SLC2A13: variants seen among roughly 807,000 people sequenced by gnomAD.
The protein encoded by SLC2A13 is proton myo-inositol cotransporter.
In SLC2A13, 32 loss-of-function variants were observed where a neutral mutation model predicts 64.4. The ratio of observed to expected loss-of-function variants is 0.50; its 90% confidence interval spans 0.37 to 0.67. The LOEUF is 0.67. SLC2A13 is among the 30% of genes least tolerant of loss of function. SLC2A13 has a pLI of 0.00. For missense variants in SLC2A13, 743 were observed against 829.2 expected, an observed-to-expected ratio of 0.90 and a Z score of 1.28; for synonymous variants, 338 against 327.1, an observed-to-expected ratio of 1.03 and a Z score of -0.36.
chr12:39,864,767 T>C lies in SLC2A13; in HGVS notation c.1314A>G (p.Arg438=). ...APSGQNATCT[R]YSYCNECMLD... is the part of the protein sequence containing the mutation. ...AGAACATAATGGAATCTCACCTGTA[T>C]CTTGTGCAAGTGGCGTTCTGACCTG... Residue 438 remains arginine, a synonymous_variant, in exon 6 of 10, where the codon AGA becomes AGG. Coordinates refer to ENST00000280871, the MANE Select transcript of SLC2A13 (RefSeq NM_052885.4). The C allele has an allele frequency of 6.2e-7, 1 of 1,613,936 alleles. No individual in the cohort carries two copies. Among genetic ancestry groups the C allele is most frequent in the Non-Finnish European group, 8.5e-7 (1 of 1,179,906 alleles).
intron 6 of SLC2A13, among the ~76,000 whole-genome samples, chr12:39,834,584 C>T (rs184310652): frequency 1.1e-4 from 17 of 152,088 alleles, no homozygotes; most frequent in Admixed American, 1.1e-3. Flanking sequence ...TCCATACTGC[C>T]CCTCCATACC....
intron 3 of SLC2A13, among the ~76,000 whole-genome samples, chr12:40,023,171 T>C (rs959122119): frequency 2.0e-5 from 3 of 152,256 alleles, no homozygotes; most frequent in East Asian, 1.9e-4. Flanking sequence ...TATGTTTCTC[T>C]AGAGAAAGCT....
chr12:39,960,744 C>CT (rs71434303), intron 3 of SLC2A13, among the ~76,000 whole-genome samples: 8,933 of 108,712 alleles, frequency 0.082, 598 homozygotes, highest in Admixed American at 0.15. Flanking sequence ...CTGTCTCATT[C>CT]TTTTTTTTTT....
At chr12:40,048,788 A>AT (rs969676898) in intron 1 of SLC2A13, among the ~76,000 whole-genome samples, 15 of 152,112 alleles carry the variant, frequency 9.9e-5, no homozygotes, top group Non-Finnish European at 2.2e-4. Flanking sequence ...TTAGCTTTAA[A>AT]TTTTTTTCTA....
intron 3 of SLC2A13, among the ~76,000 whole-genome samples, chr12:39,973,915 G>A (rs1347122657): frequency 6.6e-6 from 1 of 152,102 alleles, no homozygotes; most frequent in African/African-American, 2.4e-5. Context: ...CTTCAAAAAC[G>A]ACAACTGCTT....
intron 7 of SLC2A13, among the ~76,000 whole-genome samples, chr12:39,814,067 G>T (rs1276494769): frequency 6.6e-6 from 1 of 152,128 alleles, no homozygotes. Context: ...GAGGAAAACT[G>T]CTCTGAATAT....
At chr12:39,998,923 T>G (rs561195525) in intron 3 of SLC2A13, among the ~76,000 whole-genome samples, 1 of 152,170 alleles carries the variant, frequency 6.6e-6, no homozygotes, top group African/African-American at 2.4e-5. Context: ...CTGAATCATG[T>G]GGGCAGGTCT....
intron 1 of SLC2A13, among the ~76,000 whole-genome samples, chr12:40,069,213 T>C (rs117855055): frequency 0.027 from 4,181 of 152,234 alleles, 78 homozygotes; most frequent in Non-Finnish European, 0.041. Flanking sequence ...AAAAATACAA[T>C]GTATCTAAAA....
chr12:39,893,489 G>A (rs1215362142), intron 4 of SLC2A13, among the ~76,000 whole-genome samples: 1 of 152,110 alleles, frequency 6.6e-6, no homozygotes, highest in Admixed American at 6.5e-5. Context: ...TAGTAGAGAC[G>A]AGGTTTCACC....
chr12:39,926,192 G>GA (rs1198252545), intron 4 of SLC2A13, among the ~76,000 whole-genome samples: 1 of 151,992 alleles, frequency 6.6e-6, no homozygotes, highest in Admixed American at 6.6e-5. Flanking sequence ...CTCAATTATA[G>GA]AAAAATATAA....
At chr12:39,831,918 C>T (rs940498982) in intron 6 of SLC2A13, among the ~76,000 whole-genome samples, 12 of 152,112 alleles carry the variant, frequency 7.9e-5, no homozygotes, top group Non-Finnish European at 1.8e-4. Context: ...ATCCTCTTTT[C>T]TTTATAAATT....
intron 3 of SLC2A13, among the ~76,000 whole-genome samples, chr12:40,003,748 T>G (rs991652069): frequency 6.6e-6 from 1 of 152,128 alleles, no homozygotes; most frequent in Non-Finnish European, 1.5e-5. Context: ...ACATTTTTTC[T>G]CATTCTCTCA....
intron 5 of SLC2A13, among the ~76,000 whole-genome samples, chr12:39,866,771 G>A (rs902953448): frequency 6.6e-6 from 1 of 152,122 alleles, no homozygotes; most frequent in Non-Finnish European, 1.5e-5. Flanking sequence ...GAGCCACAGC[G>A]CCCGGCCGAA....
intron 4 of SLC2A13, among the ~76,000 whole-genome samples, chr12:39,921,409 G>A (rs934037038): frequency 6.6e-6 from 1 of 152,018 alleles, no homozygotes; most frequent in African/African-American, 2.4e-5. Flanking sequence ...CCCTGTTCAG[G>A]TACCTTCAGT....
chr12:39,971,120 T>C (rs1946639679), intron 3 of SLC2A13, among the ~76,000 whole-genome samples: 1 of 152,166 alleles, frequency 6.6e-6, no homozygotes, highest in Admixed American at 6.5e-5. Flanking sequence ...GTTCCTATTT[T>C]ATAATTTATA....
chr12:40,021,915 C>T (rs1338838253), intron 3 of SLC2A13, among the ~76,000 whole-genome samples: 1 of 151,908 alleles, frequency 6.6e-6, no homozygotes, highest in Non-Finnish European at 1.5e-5. Context: ...AAATATTTAC[C>T]CCCTCTGACC....
chr12:40,022,861 T>C lies in SLC2A13; in HGVS notation c.925+5440A>G, dbSNP rs367998748. Among the ~76,000 whole-genome samples, 8 of 152,050 alleles carry C rather than the reference T, an allele frequency of 5.3e-5. No homozygotes were observed. The South Asian group carries it at 1.2e-3, about 24-fold the overall frequency. On this transcript the variant is annotated intron_variant, in intron 3 of 9. Transcript: ENST00000280871. ...AAAAAAAAAAAAAAGTTTTAATATGTAATTTTTTAACATGGAATTCACCCC... is the reference window on the plus strand; with the variant it reads ...AAAAAAAAAAAAAAGTTTTAATATGCAATTTTTTAACATGGAATTCACCCC...
chr12:40,024,601 C>T (rs1259242775), intron 3 of SLC2A13, among the ~76,000 whole-genome samples: 1 of 152,064 alleles, frequency 6.6e-6, no homozygotes, highest in Non-Finnish European at 1.5e-5. Flanking sequence ...AAAGCAATTA[C>T]CATAATTTGT....
intron 6 of SLC2A13, among the ~76,000 whole-genome samples, chr12:39,852,881 G>T (rs1306109860): frequency 6.6e-6 from 1 of 152,188 alleles, no homozygotes; most frequent in Non-Finnish European, 1.5e-5. Flanking sequence ...TAGACTGGTT[G>T]TGGGCCACTC....
Sources: gnomAD v4.1 joint callset for allele counts (sites outside exome capture counted in the v4.1 genomes callset) on GRCh38, gnomAD v4.1.1 for gene constraint, MANE v1.5 for transcripts, NCBI Gene and HGNC (gene_info 2026-07-23, HGNC 2026-07-21) for gene names.